Variants in DNM3 observed in about 807,000 individuals in gnomAD.
The protein encoded by DNM3 is dynamin 3.
DNM3 carries 47 observed loss-of-function variants against 101.6 expected under a neutral mutation model. The observed-to-expected ratio is 0.46, with a 90% CI of 0.37 to 0.59. The LOEUF is 0.59. DNM3 is among the 20% of genes least tolerant of loss of function. The pLI, the probability that DNM3 is intolerant of heterozygous loss-of-function variation, is 0.00. For synonymous variants in DNM3, 385 were observed against 387.9 expected, an observed-to-expected ratio of 0.99 and a Z score of 0.09; for missense variants, 849 against 1,085.7, an observed-to-expected ratio of 0.78 and a Z score of 3.06.
At chr1:172,033,387 A>G in intron 6 of DNM3, 122 bp downstream of exon 6, 4 of 1,122,304 alleles carry the variant, frequency 3.6e-6, no homozygotes, top group Non-Finnish European at 4.9e-6. Flanking sequence ...CTTCAATGAT[A>G]GGGATTTTAA....
At chr1:172,011,605 C>G (rs1259396713) in intron 4 of DNM3, among the ~76,000 whole-genome samples, 1 of 151,994 alleles carries the variant, frequency 6.6e-6, no homozygotes, top group African/African-American at 2.4e-5. Context: ...TAGTAGTTTA[C>G]AGAAGAAAGA....
In DNM3 at chr1:171,921,783, G is replaced by C; in HGVS notation, c.197G>C (p.Arg66Thr). The C allele has an allele frequency of 6.2e-7, 1 of 1,602,466 alleles. No individual in the cohort carries two copies. Among genetic ancestry groups the C allele is most frequent in the Non-Finnish European group, 8.5e-7 (1 of 1,173,766 alleles). Residue 66 changes from arginine to threonine, a missense_variant, in exon 2 of 21, where the codon AGA (arginine) becomes ACA (threonine). By Grantham distance (71) the Arg-to-Thr change is moderately conservative. This residue lies in a region of DNM3 where 388 missense variants were observed against 483.0 expected (regional missense o/e 0.80). Transcript: ENST00000627582. ...CCTCGAGGGTCGGGCATTGTAACAA[G>C]ACGACCTCTTGTGCTGCAGCTTGTT... ...FLPRGSGIVT[R>T]RPLVLQLVTS...
chr1:172,195,237 G>T (rs1291058455), intron 14 of DNM3, among the ~76,000 whole-genome samples: 1 of 151,872 alleles, frequency 6.6e-6, no homozygotes, highest in Non-Finnish European at 1.5e-5. Context: ...TTCATTGCTG[G>T]TATATAGGAA....
chr1:172,363,987 C>T (rs1558046230), intron 17 of DNM3, among the ~76,000 whole-genome samples: 1 of 151,886 alleles, frequency 6.6e-6, no homozygotes, highest in Non-Finnish European at 1.5e-5. Context: ...AAACTCTTCT[C>T]TCTTGAAAGG....
At chr1:171,926,744 C>A (rs1032177474) in intron 2 of DNM3, among the ~76,000 whole-genome samples, 1 of 151,760 alleles carries the variant, frequency 6.6e-6, no homozygotes, top group African/African-American at 2.4e-5. Context: ...TGTTTTATCC[C>A]GGGAATGTAA....
rs1454835367 is a variant in DNM3, at chr1:171,898,803, C to G, written c.162-22945C>G. Among the ~76,000 whole-genome samples the G allele has an allele frequency of 2.0e-5, 3 of 151,094 alleles. No homozygotes were observed. In the East Asian group the frequency reaches 5.8e-4, roughly 29 times the overall value. ...AATTTTTTTTTTCATATTTACTATT[C>G]TGTTACCTCATTCTTAATGATTACT... On this transcript the variant is annotated intron_variant, in intron 1 of 20. Transcript: ENST00000627582.
chr1:172,131,189 G>T lies in DNM3; in HGVS notation c.1560G>T (p.Gly520=), dbSNP rs780262234. 5 of 1,613,196 alleles carry T rather than the reference G, an allele frequency of 3.1e-6. No individual in the cohort carries two copies. In the South Asian group the frequency reaches 4.4e-5, roughly 14 times the overall value. The change falls in exon 14 of 21, where the codon GGG becomes GGT. Residue 520 remains glycine, a synonymous_variant. Coordinates refer to ENST00000627582, the MANE Select transcript of DNM3 (RefSeq NM_015569.5). ...CTTTTTCGTAGGTGATTCGCAAGGG[G>T]TGGCTCACCATCAGCAACATTGGCA... ...TTVGNQVIRK[G]WLTISNIGIM... is the part of the protein sequence containing the mutation.
intron 1 of DNM3, among the ~76,000 whole-genome samples, chr1:171,915,852 A>G (rs2039669902): frequency 6.6e-6 from 1 of 152,152 alleles, no homozygotes; most frequent in African/African-American, 2.4e-5. Flanking sequence ...GCTCGTTTCT[A>G]TTCTCTCAGT....
intron 15 of DNM3, among the ~76,000 whole-genome samples, chr1:172,300,254 A>AAAACTTATTTAAGTGTTTTTCAT (rs2148844392): frequency 6.6e-6 from 1 of 151,994 alleles, no homozygotes; most frequent in African/African-American, 2.4e-5. Context: ...CACTTACTGA[A>AAAACTTATTTAAGTGTTTTTCAT]TTATTTAAGT....
At chr1:172,178,380 T>C (rs2059227956) in intron 14 of DNM3, among the ~76,000 whole-genome samples, 1 of 151,978 alleles carries the variant, frequency 6.6e-6, no homozygotes, top group Admixed American at 6.6e-5. Flanking sequence ...TTTATTCATT[T>C]ATTTAAAAAT....
chr1:172,289,752 G>A (rs2063832188), intron 15 of DNM3: 2 of 985,020 alleles, frequency 2.0e-6, no homozygotes, highest in Non-Finnish European at 1.2e-6. Context: ...CTGTGTGTAA[G>A]GTTGTTTAGT....
intron 14 of DNM3, among the ~76,000 whole-genome samples, chr1:172,135,483 A>G (rs867954114): frequency 1.1e-4 from 16 of 151,990 alleles, no homozygotes; most frequent in Admixed American, 9.2e-4. Flanking sequence ...ATTGAAGGTT[A>G]GTGTTTTTTT....
chr1:172,147,015 C>T (rs1036745667), intron 14 of DNM3, among the ~76,000 whole-genome samples: 1 of 152,132 alleles, frequency 6.6e-6, no homozygotes, highest in Non-Finnish European at 1.5e-5. Context: ...TCTCCAGAGA[C>T]AGCTATAGAA....
chr1:171,903,763 AG>A (rs2038578377), intron 1 of DNM3, among the ~76,000 whole-genome samples: 1 of 152,188 alleles, frequency 6.6e-6, no homozygotes, highest in African/African-American at 2.4e-5. Flanking sequence ...CTCCTGAAAA[AG>A]GGGGCTTAAG....
chr1:171,890,094 T>G (rs1413206448), intron 1 of DNM3, among the ~76,000 whole-genome samples: 1 of 152,222 alleles, frequency 6.6e-6, no homozygotes, highest in Non-Finnish European at 1.5e-5. Flanking sequence ...TCCGCCTTTA[T>G]TCTCCGAACC....
intron 14 of DNM3, among the ~76,000 whole-genome samples, chr1:172,228,933 AGACCTC>A (rs2148597734): frequency 6.6e-6 from 1 of 152,242 alleles, no homozygotes; most frequent in South Asian, 2.1e-4. Flanking sequence ...TTGTCACCAA[AGACCTC>A]TTCTTTTGCC....
intron 10 of DNM3, among the ~76,000 whole-genome samples, chr1:172,066,970 G>A (rs2051725767): frequency 1.3e-5 from 2 of 151,460 alleles, no homozygotes; most frequent in Admixed American, 1.3e-4. Flanking sequence ...GTGTGTGTGT[G>A]TGTGTTTGTG....
At chr1:172,005,973 C>T (rs1256665502) in intron 4 of DNM3, among the ~76,000 whole-genome samples, 2 of 152,076 alleles carry the variant, frequency 1.3e-5, no homozygotes, top group African/African-American at 4.8e-5. Context: ...ATAAGAATCA[C>T]TGGATGGTGT....
chr1:171,919,829 A>C (rs12040254), intron 1 of DNM3, among the ~76,000 whole-genome samples: 1 of 151,828 alleles, frequency 6.6e-6, no homozygotes, highest in African/African-American at 2.4e-5. Flanking sequence ...TCCCTTCTTT[A>C]ATGGTTTTCA....
Sources: allele counts gnomAD v4.1 joint callset (sites outside exome capture counted in the v4.1 genomes callset), GRCh38; gene constraint gnomAD v4.1.1; regional missense constraint gnomAD v4.1.1; transcripts MANE v1.5; gene names NCBI Gene and HGNC (gene_info 2026-07-23, HGNC 2026-07-21).